UCKL1: variants seen among roughly 807,000 people sequenced by gnomAD.
UCKL1 encodes the protein uridine-cytidine kinase 1 like 1.
In UCKL1, 65 loss-of-function variants were observed where a neutral mutation model predicts 59.2. That is an observed-to-expected ratio of 1.10 (90% confidence interval 0.90 to 1.35). The LOEUF is 1.35. Ranked by LOEUF, UCKL1 falls within the 40% of genes most tolerant of loss-of-function variation. The probability of loss-of-function intolerance (pLI) is 0.00; values close to 1 mark genes in which losing one functional copy is unlikely to be tolerated. For missense variants in UCKL1, 703 were observed against 784.3 expected (o/e 0.90, Z 1.24); for synonymous variants, 410 against 323.1 (o/e 1.27, Z -2.88).
chr20:63,953,727 T>C (rs989136556), intron 1 of UCKL1: 2 of 151,702 alleles, frequency 1.3e-5, no homozygotes, highest in Admixed American at 6.6e-5. Flanking sequence ...AGCACAGGCA[T>C]GTGTGGAGAC....
chr20:63,956,110 A>C (rs1601438028), intron 1 of UCKL1, 150 bp downstream of exon 1: 1 of 744,114 alleles, frequency 1.3e-6, no homozygotes. Flanking sequence ...GCGGGGTTCC[A>C]CCCGGCACGT....
Position 63,956,287 on chromosome 20 carries a change from T to C in UCKL1, c.86A>G (p.Glu29Gly). Residue 29 changes from glutamate to glycine, a missense_variant, in exon 1 of 15, where the codon GAG (glutamate) becomes GGG (glycine). Physicochemically the swap from Glu to Gly is moderately conservative, Grantham distance 98. This residue lies in a region of UCKL1 where 398 missense variants were observed against 373.0 expected (regional missense o/e 1.07). Coordinates refer to ENST00000354216, the MANE Select transcript of UCKL1 (RefSeq NM_017859.4). Reference sequence around the variant, plus strand: ...GTCCTCGCACGCGGTCTCGCTTTTCTCAGCCTGCCGGCCTGGTGTGTCTCG... The same window carrying C: ...GTCCTCGCACGCGGTCTCGCTTTTCCCAGCCTGCCGGCCTGGTGTGTCTCG... ...TARDTPGRQAEKSETACEDRS... is the reference protein window; with the variant it reads ...TARDTPGRQAGKSETACEDRS... 1 of 1,559,398 alleles carries C rather than the reference T, an allele frequency of 6.4e-7. No homozygotes were observed. Among genetic ancestry groups the C allele is most frequent in the Admixed American group, 1.9e-5 (1 of 52,972 alleles).
chr20:63,940,551 G>T, intron 12 of UCKL1, 43 bp downstream of exon 12: 1 of 1,603,872 alleles, frequency 6.2e-7, no homozygotes, highest in Non-Finnish European at 8.5e-7. Flanking sequence ...AGCTCCCTCT[G>T]CCCCCTACCC....
chr20:63,943,059 C>A (rs1014364857), intron 8 of UCKL1, among the ~76,000 whole-genome samples: 1 of 152,218 alleles, frequency 6.6e-6, no homozygotes, highest in African/African-American at 2.4e-5. Context: ...GTGGCTGACC[C>A]CCCTGCATGC....
In UCKL1 at chr20:63,944,454, G is replaced by T; in HGVS notation, c.849C>A (p.Ser283Arg). Residue 283 changes from serine (S) to arginine (R), a missense_variant, in exon 7 of 15, where the codon AGC becomes AGA. Transcript: ENST00000354216. ...RLADIVVPRGSGNTVAIDLIV... is the reference protein window; with the variant it reads ...RLADIVVPRGRGNTVAIDLIV... ...TCAGGTCGATGGCCACCGTGTTGCC[G>T]CTCCCTGGGGCGGGATGGGGGGGCG... is the stretch of plus-strand genomic sequence containing the variant. 1 of 1,576,556 alleles carries T rather than the reference G, an allele frequency of 6.3e-7. No homozygotes were observed. Among genetic ancestry groups the T allele is most frequent in the South Asian group, 1.2e-5 (1 of 86,826 alleles).
intron 1 of UCKL1, among the ~76,000 whole-genome samples, chr20:63,952,950 C>G (rs1471366894): frequency 1.3e-5 from 2 of 152,272 alleles, no homozygotes; most frequent in Admixed American, 6.5e-5. Flanking sequence ...ATGTCATCGT[C>G]AAGAAATAGG....
chr20:63,946,353 T>C, intron 2 of UCKL1, 86 bp from the exon 3 acceptor site: 2 of 1,529,056 alleles, frequency 1.3e-6, no homozygotes, highest in South Asian at 2.4e-5. Context: ...CCGCTGCCGC[T>C]GCCTGCGGTT....
At chr20:63,948,355 C>T (rs576043268) in intron 1 of UCKL1, 2 of 152,096 alleles carry the variant, frequency 1.3e-5, no homozygotes, top group Admixed American at 1.3e-4. Context: ...GTCCACCGCG[C>T]TCCGGAGTTC....
intron 1 of UCKL1, among the ~76,000 whole-genome samples, chr20:63,947,961 G>A (rs887847024): frequency 2.0e-5 from 3 of 152,174 alleles, no homozygotes; most frequent in Admixed American, 6.5e-5. Context: ...GGCAGCCTCT[G>A]GGGAGGCTCA....
chr20:63,955,235 G>C (rs1000184544), intron 1 of UCKL1: 1 of 152,322 alleles, frequency 6.6e-6, no homozygotes, highest in African/African-American at 2.4e-5. Context: ...CTGGGCGACA[G>C]AGTGAGACTC....
chr20:63,956,001 C>T lies in UCKL1; in HGVS notation c.113+259G>A. 4 of 354,812 alleles carry T rather than the reference C, an allele frequency of 1.1e-5. No individual in the cohort carries two copies. In the South Asian group the frequency reaches 1.4e-4, roughly 12 times the overall value. The allele number at this position is 354,812 out of a possible 1,614,324, so 22.0% of individuals were successfully genotyped here. On this transcript the variant is annotated intron_variant, in intron 1 of 14. Transcript: ENST00000354216. Reference sequence around the variant, plus strand: ...GGGCCCCACCCACCGGGGGCAGAGACCAAGGTCAACGCTGGGGGTGCGCAC... The same window carrying T: ...GGGCCCCACCCACCGGGGGCAGAGATCAAGGTCAACGCTGGGGGTGCGCAC...
chr20:63,956,065 T>G lies in UCKL1; in HGVS notation c.113+195A>C, dbSNP rs2058606198. On this transcript the variant is annotated intron_variant, in intron 1 of 14. Transcript: ENST00000354216. ...CCGAGCCCCGAGGAGCCTGCCGGCT[T>G]GGGCCAGGTCCGTCCTCCCGGCCGC... The G allele has an allele frequency of 8.5e-6, 4 of 472,372 alleles. No homozygotes were observed. The Admixed American group carries it at 1.8e-4, about 21-fold the overall frequency. The allele number at this position is 472,372 out of a possible 1,614,324, so 29.3% of individuals were successfully genotyped here. A position where few individuals can be genotyped will look rare whatever the true frequency, so the allele number is the denominator to read the frequency against.
Position 63,940,836 on chromosome 20 carries a change from C to A in UCKL1, c.1137G>T (p.Pro379=), listed in dbSNP as rs866660531. The part of the protein sequence containing the change: ...LPFQDCVVQT[P]QGQDYAGKCY... ...ACTTGCCCGCATAGTCCTGCCCCTG[C>A]GGGGTCTGTACGACGCAGTCCTGTG... The change falls in exon 11 of 15, where the codon CCG becomes CCT. Residue 379 remains proline (P), a synonymous_variant. Transcript: ENST00000354216. The A allele has an allele frequency of 6.4e-7, 1 of 1,560,782 alleles. No homozygotes were observed. Among genetic ancestry groups the A allele is most frequent in the Non-Finnish European group, 8.7e-7 (1 of 1,153,724 alleles).
chr20:63,948,632 GA>G (rs66511572), intron 1 of UCKL1, among the ~76,000 whole-genome samples: 1,213 of 3,396 alleles, frequency 0.36, 247 homozygotes, highest in African/African-American at 0.46. Flanking sequence ...GTGTGAGAGG[GA>G]AGGGGCGTGT....
chr20:63,945,111 C>T (rs544763348), intron 5 of UCKL1, among the ~76,000 whole-genome samples: 2 of 152,192 alleles, frequency 1.3e-5, no homozygotes, highest in Non-Finnish European at 2.9e-5. Context: ...CACCAACACA[C>T]TGGGGAATGG....
In UCKL1 at chr20:63,943,552, G is replaced by A. The variant is rs1050369969; in HGVS notation, c.923+101C>T. ...CTCCACACCACCCCTTCTGTGACTGGGGAAGAGCCAGCTGCCTGGCTGGAT... is the reference window on the plus strand; with the variant it reads ...CTCCACACCACCCCTTCTGTGACTGAGGAAGAGCCAGCTGCCTGGCTGGAT... On this transcript the variant is annotated intron_variant, in intron 8 of 14. Coordinates refer to ENST00000354216, the MANE Select transcript of UCKL1 (RefSeq NM_017859.4). 44 of 1,566,480 alleles carry A rather than the reference G, an allele frequency of 2.8e-5. No homozygotes were observed. In the African/African-American group the frequency reaches 5.8e-4, roughly 21 times the overall value.
intron 1 of UCKL1, among the ~76,000 whole-genome samples, chr20:63,950,565 G>A (rs1240292460): frequency 1.3e-5 from 2 of 152,192 alleles, no homozygotes; most frequent in African/African-American, 4.8e-5. Context: ...ACCAACACAA[G>A]AGAGACGCGC....
In UCKL1 at chr20:63,951,030, C is replaced by G; in HGVS notation, c.114-4387G>C. ...GTGGGCAGCACAGTGGGTGCAGAGC[C>G]GGGTGGCTGGGGTGAGACCCTTGGC... On this transcript the variant is annotated intron_variant, in intron 1 of 14. Transcript: ENST00000354216. 5 of 1,250,504 alleles carry G rather than the reference C, an allele frequency of 4.0e-6. No homozygotes were observed. In the East Asian group the frequency reaches 1.6e-4, roughly 40 times the overall value. The allele number at this position is 1,250,504 out of a possible 1,614,324, so 77.5% of individuals were successfully genotyped here.
rs764581375 is a variant in UCKL1 at position 63,950,838 on chromosome 20, C to T, written c.114-4195G>A. 17 of 1,511,536 alleles carry T rather than the reference C, an allele frequency of 1.1e-5. No homozygotes were observed. The African/African-American group carries it at 1.5e-4, about 14-fold the overall frequency. 93.6% of individuals were successfully genotyped at this position (1,511,536 alleles called of 1,614,324 possible). A position where few individuals can be genotyped will look rare whatever the true frequency, so the allele number is the denominator to read the frequency against. On this transcript the variant is annotated intron_variant, in intron 1 of 14. Transcript: ENST00000354216. ...GGGGGGCTGCTCATGGTCGAGGACA[C>T]GGGTGGGTGCTCCTGAACAGCAGAG...
Sources: gnomAD v4.1 joint callset for allele counts (sites outside exome capture counted in the v4.1 genomes callset) on GRCh38, gnomAD v4.1.1 for gene constraint, gnomAD v4.1.1 regional missense constraint, MANE v1.5 for transcripts, NCBI Gene and HGNC (gene_info 2026-07-23, HGNC 2026-07-21) for gene names.